Variants in TANC1 observed in about 807,000 individuals in gnomAD.
TANC1 encodes tetratricopeptide repeat, ankyrin repeat and coiled-coil containing 1.
TANC1 carries 77 observed loss-of-function variants against 149.7 expected under a neutral mutation model. That is an observed-to-expected ratio of 0.51 (90% confidence interval 0.43 to 0.62). The LOEUF (loss-of-function observed/expected upper bound fraction) is 0.62, where lower values mean the gene tolerates loss of function less well. Ranked by LOEUF, TANC1 falls within the 20% of genes least tolerant of loss-of-function variation. The probability of loss-of-function intolerance (pLI) is 0.00; values close to 1 mark genes in which losing one functional copy is unlikely to be tolerated. For missense variants in TANC1, 1,985 were observed against 2,321.8 expected, an observed-to-expected ratio of 0.85 and a Z score of 2.98; for synonymous variants, 854 against 925.0, an observed-to-expected ratio of 0.92 and a Z score of 1.39.
chr2:159,076,698 G>A (rs982604510), intron 3 of TANC1, among the ~76,000 whole-genome samples: 6 of 152,156 alleles, frequency 3.9e-5, no homozygotes, highest in African/African-American at 1.4e-4. Flanking sequence ...TTAGATCTAG[G>A]AGGATCTTAG....
intron 2 of TANC1, chr2:159,056,863 A>AT (rs1248243024): frequency 3.2e-6 from 1 of 317,106 alleles, no homozygotes; most frequent in Non-Finnish European, 6.6e-6. Flanking sequence ...CAATCATAGG[A>AT]GTTTCCTGGC....
chr2:159,218,501 C>A (rs1481921233), intron 20 of TANC1, among the ~76,000 whole-genome samples: 1 of 152,188 alleles, frequency 6.6e-6, no homozygotes, highest in African/African-American at 2.4e-5. Context: ...GATAAACGAG[C>A]AAGAAGGCAG....
chr2:159,043,588 T>C (rs1173086957), intron 2 of TANC1, among the ~76,000 whole-genome samples: 3 of 152,240 alleles, frequency 2.0e-5, no homozygotes, highest in Admixed American at 1.3e-4. Flanking sequence ...GAAGCTTTCC[T>C]AATTTTATTG....
intron 4 of TANC1, among the ~76,000 whole-genome samples, chr2:159,132,689 G>A (rs1438913075): frequency 3.3e-5 from 5 of 149,704 alleles, no homozygotes; most frequent in South Asian, 4.3e-4. Context: ...AGTAGAGATG[G>A]GGTTTCACTA....
intron 3 of TANC1, among the ~76,000 whole-genome samples, chr2:159,069,512 A>C (rs1409146024): frequency 6.6e-6 from 1 of 152,164 alleles, no homozygotes; most frequent in Non-Finnish European, 1.5e-5. Context: ...GACCTTTACT[A>C]TCAGAAAACA....
intron 2 of TANC1, among the ~76,000 whole-genome samples, chr2:159,062,827 C>G (rs943761337): frequency 1.3e-5 from 2 of 150,824 alleles, no homozygotes; most frequent in African/African-American, 4.9e-5. Flanking sequence ...ATTAGCCGGG[C>G]GCGGTGGTGG....
Position 159,065,790 on chromosome 2 carries a change from A to G in TANC1, c.-15-106A>G, listed in dbSNP as rs1306071545. On this transcript the variant is annotated intron_variant, in intron 2 of 26. Transcript: ENST00000263635. ...GTAAGGCTTAGGGTACCTTAATATT[A>G]AGCGGTCTGTTTGTTTGAACACAAG... The G allele has an allele frequency of 1.4e-5, 11 of 796,508 alleles. No homozygotes were observed. The African/African-American group carries it at 1.5e-4, about 11-fold the overall frequency. 49.3% of individuals were successfully genotyped at this position (796,508 alleles called of 1,614,324 possible).
At chr2:159,171,763 A>G (rs1489494455) in intron 10 of TANC1, among the ~76,000 whole-genome samples, 1 of 151,516 alleles carries the variant, frequency 6.6e-6, no homozygotes, top group Non-Finnish European at 1.5e-5. Context: ...AGGCTGAGGC[A>G]GGAGAATCAC....
At position 159,016,516 on chromosome 2, in the gene TANC1, C is replaced by A. The variant is rs113561090; in HGVS notation, c.-16+15327C>A. On this transcript the variant is annotated intron_variant, in intron 2 of 26. Transcript: ENST00000263635. ...TCTCTTTCTGTCTCCTAATTCAGTA[C>A]CTTCCTCTGCCCTGTTTAATAAGTA... 4.7e-3 allele frequency among the ~76,000 whole-genome samples: 710 copies of A among 152,198 alleles called. 7 individuals carry two copies. The highest frequency in any genetic ancestry group is 0.017 in the African/African-American group (686 of 41,512).
chr2:159,020,736 G>A (rs2038760449), intron 2 of TANC1, among the ~76,000 whole-genome samples: 1 of 152,132 alleles, frequency 6.6e-6, no homozygotes, highest in Non-Finnish European at 1.5e-5. Flanking sequence ...GAATTTAAGA[G>A]ACTTTAAGAA....
chr2:159,145,259 T>G (rs2051930263), intron 5 of TANC1, among the ~76,000 whole-genome samples: 1 of 152,222 alleles, frequency 6.6e-6, no homozygotes, highest in African/African-American at 2.4e-5. Flanking sequence ...CAGAAAGTTA[T>G]GTAAGACATA....
chr2:159,096,949 G>A (rs1300049524), intron 3 of TANC1, among the ~76,000 whole-genome samples: 2 of 152,120 alleles, frequency 1.3e-5, no homozygotes, highest in African/African-American at 2.4e-5. Flanking sequence ...AGAAACTTGG[G>A]GTTTACCATA....
At position 159,170,785 on chromosome 2, in the gene TANC1, G is replaced by GC; in HGVS notation, c.1334dup (p.Ser447PhefsTer4). 6.2e-7 allele frequency: 1 copy of GC among 1,613,938 alleles called. No individual in the cohort carries two copies. Among genetic ancestry groups the GC allele is most frequent in the South Asian group, 1.1e-5 (1 of 91,068 alleles). On this transcript the variant is annotated frameshift_variant, in exon 10 of 27. Coordinates refer to ENST00000263635, the MANE Select transcript of TANC1 (RefSeq NM_033394.3). LOFTEE classifies it high-confidence loss of function. ...CGCATGAGGCAGATTGCTTCCAACA[G>GC]CCCGGGTTCATCACCTAAAAGTACG... is the stretch of plus-strand genomic sequence containing the variant.
chr2:159,095,733 C>CAAAAAAAAAAAAA (rs61191170), intron 3 of TANC1, among the ~76,000 whole-genome samples: 3 of 100,444 alleles, frequency 3.0e-5, no homozygotes, highest in Non-Finnish European at 1.9e-5. Context: ...AAGACTGTCT[C>CAAAAAAAAAAAAA]AAAAAAAAAA....
chr2:159,187,078 C>T, intron 16 of TANC1, 54 bp downstream of exon 16: 1 of 1,598,374 alleles, frequency 6.3e-7, no homozygotes, highest in Non-Finnish European at 8.5e-7. Flanking sequence ...CGGCTGCTGG[C>T]CGTTCCTCCA....
chr2:158,977,487 T>A (rs1224559449), intron 1 of TANC1, among the ~76,000 whole-genome samples: 1 of 151,884 alleles, frequency 6.6e-6, no homozygotes, highest in Non-Finnish European at 1.5e-5. Flanking sequence ...ATTTTTGTAT[T>A]TTTCATAGAC....
At chr2:159,056,548 T>C (rs1342071692) in intron 2 of TANC1, 1 of 154,670 alleles carries the variant, frequency 6.5e-6, no homozygotes, top group Non-Finnish European at 1.4e-5. Flanking sequence ...CCTGAACTTG[T>C]GATCCACGAG....
chr2:159,165,297 C>T (rs750374700), intron 8 of TANC1, among the ~76,000 whole-genome samples: 5 of 152,178 alleles, frequency 3.3e-5, no homozygotes, highest in East Asian at 1.9e-4. Context: ...TTCTGCTGTG[C>T]GCATTCATTA....
At chr2:159,112,138 A>C (rs1156950456) in intron 4 of TANC1, among the ~76,000 whole-genome samples, 4 of 102,640 alleles carry the variant, frequency 3.9e-5, no homozygotes, top group African/African-American at 1.4e-4. Flanking sequence ...AGATATGTGC[A>C]CTCAGAGTTG....
Sources: allele counts gnomAD v4.1 joint callset (sites outside exome capture counted in the v4.1 genomes callset), GRCh38; gene constraint gnomAD v4.1.1; transcripts MANE v1.5; gene names NCBI Gene and HGNC (gene_info 2026-07-23, HGNC 2026-07-21).